The following AGBL1 variants were observed in gnomAD, a reference collection of about 807,000 sequenced individuals.
AGBL1 encodes the protein AGBL carboxypeptidase 1.
AGBL1 carries 130 observed loss-of-function variants against 118.9 expected under a neutral mutation model. The ratio of observed to expected loss-of-function variants is 1.09; its 90% CI spans 0.95 to 1.26. The LOEUF (loss-of-function observed/expected upper bound fraction) is 1.26. Ranked by LOEUF, AGBL1 falls within the 50% of genes most tolerant of loss-of-function variation. The pLI is 0.00. For missense variants in AGBL1, 1,584 were observed against 1,298.1 expected, an observed-to-expected ratio of 1.22 and a Z score of -3.38; for synonymous variants, 555 against 478.9, an observed-to-expected ratio of 1.16 and a Z score of -2.08.
At chr15:86,295,045 C>T (rs748221705) in intron 16 of AGBL1, among the ~76,000 whole-genome samples, 3 of 152,212 alleles carry the variant, frequency 2.0e-5, no homozygotes, top group African/African-American at 4.8e-5. Context: ...TATGCCAAAA[C>T]ATGCAGGAAT....
At chr15:86,715,506 T>C (rs554081128) in intron 22 of AGBL1, among the ~76,000 whole-genome samples, 1 of 152,316 alleles carries the variant, frequency 6.6e-6, no homozygotes, top group East Asian at 1.9e-4. Context: ...TTAGTCTTAT[T>C]TTACCTTTCT....
At chr15:86,745,971 G>C (rs1174107220) in intron 22 of AGBL1, among the ~76,000 whole-genome samples, 1 of 152,058 alleles carries the variant, frequency 6.6e-6, no homozygotes, top group Non-Finnish European at 1.5e-5. Context: ...AGAGAATACA[G>C]CTCCCATTCT....
chr15:86,752,073 G>A (rs1229998134), intron 22 of AGBL1, among the ~76,000 whole-genome samples: 1 of 151,994 alleles, frequency 6.6e-6, no homozygotes, highest in Non-Finnish European at 1.5e-5. Flanking sequence ...ATGTCATTCT[G>A]TAAATCACAC....
At chr15:86,978,731 C>T (rs1008113462) in intron 23 of AGBL1, among the ~76,000 whole-genome samples, 1 of 152,258 alleles carries the variant, frequency 6.6e-6, no homozygotes, top group Admixed American at 6.5e-5. Flanking sequence ...TAGAGATAAG[C>T]TCTAAGTCAC....
intron 2 of AGBL1, among the ~76,000 whole-genome samples, chr15:86,142,453 A>G (rs72750283): frequency 0.047 from 7,099 of 152,252 alleles, 240 homozygotes; most frequent in East Asian, 0.088. Flanking sequence ...TGTAAGCATC[A>G]CGTTTTCAGA....
chr15:86,521,414 A>T (rs2083187174), intron 18 of AGBL1, among the ~76,000 whole-genome samples: 1 of 152,202 alleles, frequency 6.6e-6, no homozygotes, highest in Non-Finnish European at 1.5e-5. Context: ...GATGGTGACC[A>T]AGAGACTATC....
intron 22 of AGBL1, among the ~76,000 whole-genome samples, chr15:86,757,703 G>T (rs111563049): frequency 0.015 from 2,280 of 152,044 alleles, 59 homozygotes; most frequent in African/African-American, 0.052. Context: ...TCTTGGCCAC[G>T]TTCTTTTAGT....
intron 23 of AGBL1, among the ~76,000 whole-genome samples, chr15:86,932,444 T>C (rs769121691): frequency 7.0e-4 from 107 of 152,206 alleles, no homozygotes; most frequent in Non-Finnish European, 1.3e-3. Context: ...GCTGATTTGA[T>C]AGTGTTTAGG....
At chr15:87,020,186 A>T (rs191820855) in intron 24 of AGBL1, among the ~76,000 whole-genome samples, 2 of 152,196 alleles carry the variant, frequency 1.3e-5, no homozygotes, top group Admixed American at 1.3e-4. Context: ...CAGAGGTACA[A>T]ACAAGAGCTG....
At chr15:86,663,143 G>A (rs1291309463) in intron 21 of AGBL1, among the ~76,000 whole-genome samples, 1 of 152,036 alleles carries the variant, frequency 6.6e-6, no homozygotes, top group African/African-American at 2.4e-5. Flanking sequence ...CCCACCAAGT[G>A]AATCCCCTAC....
At chr15:86,372,094 G>A (rs942384639) in intron 17 of AGBL1, among the ~76,000 whole-genome samples, 5 of 152,186 alleles carry the variant, frequency 3.3e-5, no homozygotes, top group African/African-American at 1.2e-4. Flanking sequence ...GTGGCCTGGG[G>A]CCAGGCAGAG....
chr15:86,218,518 A>G (rs1038862617), intron 5 of AGBL1, among the ~76,000 whole-genome samples: 2 of 152,220 alleles, frequency 1.3e-5, no homozygotes, highest in African/African-American at 4.8e-5. Context: ...AGGATGGGAA[A>G]GAGCTGAAAC....
chr15:86,891,592 A>AG (rs1436921636), intron 22 of AGBL1, among the ~76,000 whole-genome samples: 1 of 151,410 alleles, frequency 6.6e-6, no homozygotes, highest in Admixed American at 6.6e-5. Flanking sequence ...AAAAAAAAAA[A>AG]CAAGCAAGGG....
chr15:86,512,463 T>G (rs2142180690), intron 18 of AGBL1, among the ~76,000 whole-genome samples: 1 of 151,998 alleles, frequency 6.6e-6, no homozygotes, highest in Non-Finnish European at 1.5e-5. Context: ...CCTTGTTCAA[T>G]TTTCTTTTGA....
chr15:86,210,426 A>T (rs748968833), intron 5 of AGBL1, among the ~76,000 whole-genome samples: 16 of 152,064 alleles, frequency 1.1e-4, no homozygotes, highest in Non-Finnish European at 2.1e-4. Context: ...ACTTGGTTTC[A>T]TTCTCCCTGT....
chr15:86,882,799 G>C (rs17646548), intron 22 of AGBL1, among the ~76,000 whole-genome samples: 15,717 of 152,144 alleles, frequency 0.1, 1,078 homozygotes, highest in Non-Finnish European at 0.15. Flanking sequence ...AAGTCTGAGA[G>C]GAGAGAGAGG....
intron 22 of AGBL1, among the ~76,000 whole-genome samples, chr15:86,857,739 G>A (rs763868731): frequency 2.0e-5 from 3 of 152,228 alleles, no homozygotes; most frequent in South Asian, 4.2e-4. Context: ...GACGGTGTCC[G>A]TCTCATTTAC....
chr15:86,468,056 A>C (rs1453222010), intron 18 of AGBL1, among the ~76,000 whole-genome samples: 1 of 152,000 alleles, frequency 6.6e-6, no homozygotes, highest in East Asian at 1.9e-4. Flanking sequence ...CAGGAATATG[A>C]CTTAAATCAT....
At chr15:86,260,801 T>C (rs2078969875) in intron 9 of AGBL1, among the ~76,000 whole-genome samples, 1 of 152,196 alleles carries the variant, frequency 6.6e-6, no homozygotes, top group Admixed American at 6.5e-5. Context: ...CCAGAAAGCA[T>C]TACCTGGATT....
Sources: gnomAD v4.1 joint callset for allele counts (sites outside exome capture counted in the v4.1 genomes callset) on GRCh38, gnomAD v4.1.1 for gene constraint, MANE v1.5 for transcripts, NCBI Gene and HGNC (gene_info 2026-07-23, HGNC 2026-07-21) for gene names.